Variants in CNTN6 observed in about 807,000 individuals in gnomAD.
CNTN6 encodes the protein contactin 6, also known as contactin-6.
Under a neutral mutation model 122.8 loss-of-function variants are expected in CNTN6, and 137 were observed. That is an observed-to-expected ratio of 1.12 (90% CI 0.97 to 1.29). The LOEUF is 1.29. Among genes scored for constraint, CNTN6 ranks in the 50% most tolerant of loss-of-function variants. CNTN6 has a pLI of 0.00. For missense variants in CNTN6, 1,634 were observed against 1,223.4 expected, an observed-to-expected ratio of 1.34 and a Z score of -5.01; for synonymous variants, 570 against 426.0, an observed-to-expected ratio of 1.34 and a Z score of -4.16.
At chr3:1,114,451 TATTA>T (rs1279546088) in intron 1 of CNTN6, among the ~76,000 whole-genome samples, 4 of 152,218 alleles carry the variant, frequency 2.6e-5, no homozygotes, top group Non-Finnish European at 5.9e-5. Flanking sequence ...CTTTTTCCAC[TATTA>T]ATTCTATTCT....
At chr3:1,315,509 C>T (rs994639881) in intron 7 of CNTN6, among the ~76,000 whole-genome samples, 1 of 151,972 alleles carries the variant, frequency 6.6e-6, no homozygotes, top group African/African-American at 2.4e-5. Flanking sequence ...AGTTAATTAG[C>T]ATTGTTAGCA....
rs1559984240 is a variant in CNTN6, at chr3:1,383,380, G to C, written c.2489G>C (p.Arg830Thr). The C allele has an allele frequency of 6.2e-7, 1 of 1,613,926 alleles. No individual in the cohort carries two copies. Among genetic ancestry groups the C allele is most frequent in the South Asian group, 1.1e-5 (1 of 91,078 alleles). ...EVSWNAIAWNRNTGRVLGYEV... is the reference protein window; with the variant it reads ...EVSWNAIAWNTNTGRVLGYEV... ...TCATGGAATGCTATTGCCTGGAATAGAAACACTGGAAGAGTGCTGGGCTAT... is the reference window on the plus strand; with the variant it reads ...TCATGGAATGCTATTGCCTGGAATACAAACACTGGAAGAGTGCTGGGCTAT... Residue 830 changes from arginine to threonine, a missense_variant, in exon 19 of 23, where the codon AGA (arginine) becomes ACA (threonine). Coordinates refer to ENST00000446702, the MANE Select transcript of CNTN6 (RefSeq NM_001289080.2).
At chr3:1,095,094 A>G (rs1165299000) in intron 1 of CNTN6, among the ~76,000 whole-genome samples, 1 of 152,000 alleles carries the variant, frequency 6.6e-6, no homozygotes, top group Non-Finnish European at 1.5e-5. Context: ...CACCTTTTAA[A>G]AAATAAATAA....
At chr3:1,393,844 A>C (rs896642005) in intron 20 of CNTN6, among the ~76,000 whole-genome samples, 2 of 152,180 alleles carry the variant, frequency 1.3e-5, no homozygotes, top group Non-Finnish European at 2.9e-5. Flanking sequence ...ATACCTATAC[A>C]TGTTTTAAAA....
intron 4 of CNTN6, among the ~76,000 whole-genome samples, chr3:1,259,945 T>C (rs918320883): frequency 2.0e-5 from 3 of 152,164 alleles, no homozygotes; most frequent in Non-Finnish European, 4.4e-5. Context: ...TTAAATGATA[T>C]GTTAAAACTG....
At chr3:1,270,599 C>T (rs1163277830) in intron 4 of CNTN6, among the ~76,000 whole-genome samples, 1 of 152,200 alleles carries the variant, frequency 6.6e-6, no homozygotes, top group Non-Finnish European at 1.5e-5. Context: ...TGAACAAGTG[C>T]TCCAACATCT....
At chr3:1,251,946 A>T (rs904328514) in intron 4 of CNTN6, among the ~76,000 whole-genome samples, 1 of 152,158 alleles carries the variant, frequency 6.6e-6, no homozygotes, top group Admixed American at 6.5e-5. Context: ...ATGTCAAGGT[A>T]ATCTGGCACT....
chr3:1,105,105 C>T lies in CNTN6; in HGVS notation c.-83+11985C>T, dbSNP rs560218285. ...GTGAGTGTGTATATTACTAAATTGT[C>T]CTTTAGGAAGACAACTCCCTCTGTA... On this transcript the variant is annotated intron_variant, in intron 1 of 22. Transcript: ENST00000446702. Among the ~76,000 whole-genome samples, 7 of 152,124 alleles carry T rather than the reference C, an allele frequency of 4.6e-5. No homozygotes were observed. The South Asian group carries it at 1.5e-3, about 32-fold the overall frequency.
intron 2 of CNTN6, among the ~76,000 whole-genome samples, chr3:1,201,676 T>C (rs1458339483): frequency 6.6e-6 from 1 of 152,230 alleles, no homozygotes; most frequent in Non-Finnish European, 1.5e-5. Context: ...GAAAAACTTT[T>C]ATTATTGCAT....
intron 2 of CNTN6, among the ~76,000 whole-genome samples, chr3:1,157,320 C>T (rs2092997185): frequency 2.0e-5 from 3 of 151,986 alleles, no homozygotes; most frequent in African/African-American, 4.8e-5. Context: ...CAGGTTCAAG[C>T]GTTTCTCCTG....
At chr3:1,330,322 C>T (rs1702115457) in intron 11 of CNTN6, among the ~76,000 whole-genome samples, 1 of 151,836 alleles carries the variant, frequency 6.6e-6, no homozygotes. Flanking sequence ...TTTAAATAGT[C>T]ACACAGGTGT....
intron 11 of CNTN6, among the ~76,000 whole-genome samples, chr3:1,336,303 CA>C (rs1424089025): frequency 8.5e-6 from 1 of 117,762 alleles, no homozygotes; most frequent in Admixed American, 8.3e-5. Context: ...CATTAAAGCA[CA>C]TTTTTTTTTC....
At chr3:1,208,910 A>G (rs1418059971) in intron 2 of CNTN6, among the ~76,000 whole-genome samples, 5 of 152,176 alleles carry the variant, frequency 3.3e-5, no homozygotes, top group African/African-American at 1.2e-4. Flanking sequence ...GTCAGTGCAT[A>G]AAGAAGGTTC....
chr3:1,356,102 CTG>C (rs1270476168), intron 12 of CNTN6, among the ~76,000 whole-genome samples: 1 of 151,642 alleles, frequency 6.6e-6, no homozygotes, highest in Non-Finnish European at 1.5e-5. Flanking sequence ...TTTTGGAGGA[CTG>C]AGATTAAAAT....
chr3:1,161,769 TACACACACACACAC>T (rs558137459), intron 2 of CNTN6, among the ~76,000 whole-genome samples: 18 of 143,116 alleles, frequency 1.3e-4, no homozygotes, highest in Admixed American at 9.2e-4. Flanking sequence ...TATATATGTA[TACACACACACACAC>T]ACACACACAC....
At chr3:1,338,489 T>A (rs1415381510) in intron 11 of CNTN6, among the ~76,000 whole-genome samples, 1 of 152,140 alleles carries the variant, frequency 6.6e-6, no homozygotes, top group Non-Finnish European at 1.5e-5. Flanking sequence ...CATATCTACT[T>A]AGATAGAAAT....
chr3:1,378,907 T>C (rs994533535), intron 17 of CNTN6, among the ~76,000 whole-genome samples: 1 of 152,172 alleles, frequency 6.6e-6, no homozygotes, highest in African/African-American at 2.4e-5. Flanking sequence ...ATATTATACC[T>C]ACTACTCCAA....
intron 4 of CNTN6, among the ~76,000 whole-genome samples, chr3:1,256,208 T>A (rs2094755567): frequency 6.6e-6 from 1 of 152,188 alleles, no homozygotes; most frequent in Admixed American, 6.5e-5. Context: ...TTGCTTTATC[T>A]GTATTAAAAT....
intron 4 of CNTN6, among the ~76,000 whole-genome samples, chr3:1,233,579 C>CA (rs1478070628): frequency 1.3e-5 from 2 of 151,324 alleles, no homozygotes; most frequent in Admixed American, 6.6e-5. Flanking sequence ...ATAAAAAATA[C>CA]AAAAAATTAG....
Sources: allele counts gnomAD v4.1 joint callset (sites outside exome capture counted in the v4.1 genomes callset), GRCh38; gene constraint gnomAD v4.1.1; transcripts MANE v1.5; gene names NCBI Gene and HGNC (gene_info 2026-07-23, HGNC 2026-07-21).